STXBP5L: variants seen among roughly 807,000 people sequenced by gnomAD.
STXBP5L encodes syntaxin-binding protein 5-like.
Under a neutral mutation model 144.5 loss-of-function variants are expected in STXBP5L, and 65 were observed. The observed-to-expected ratio is 0.45, with a 90% confidence interval of 0.37 to 0.55. The LOEUF (loss-of-function observed/expected upper bound fraction) is 0.55, where lower values mean the gene tolerates loss of function less well. STXBP5L is among the 20% of genes least tolerant of loss of function. The probability of loss-of-function intolerance (pLI) is 0.00; values close to 1 mark genes in which losing one functional copy is unlikely to be tolerated. For missense variants in STXBP5L, 1,298 were observed against 1,405.5 expected, an observed-to-expected ratio of 0.92 and a Z score of 1.22; for synonymous variants, 505 against 469.6, an observed-to-expected ratio of 1.08 and a Z score of -0.97.
intron 3 of STXBP5L, among the ~76,000 whole-genome samples, chr3:120,995,002 G>T (rs988636795): frequency 5.9e-5 from 9 of 151,806 alleles, no homozygotes; most frequent in African/African-American, 2.2e-4. Flanking sequence ...TTCAATTTTG[G>T]GAGGTTTTAT....
rs569885366 is a variant in STXBP5L at position 120,979,252 on chromosome 3, C to A, written c.287+24215C>A. 5.3e-5 allele frequency among the ~76,000 whole-genome samples: 8 copies of A among 152,336 alleles called. No homozygotes were observed. In the East Asian group the frequency reaches 1.5e-3, roughly 29 times the overall value. ...TTACCTAAGCAAGCCTGGGCAATGGCAGGTGCCCCTCCCCCAGCCTCACTG... is the reference window on the plus strand; with the variant it reads ...TTACCTAAGCAAGCCTGGGCAATGGAAGGTGCCCCTCCCCCAGCCTCACTG... On this transcript the variant is annotated intron_variant, in intron 3 of 26. Transcript: ENST00000471454.
At chr3:121,076,230 T>C (rs530991173) in intron 5 of STXBP5L, among the ~76,000 whole-genome samples, 1 of 152,294 alleles carries the variant, frequency 6.6e-6, no homozygotes, top group African/African-American at 2.4e-5. Context: ...CCCTTGGCTT[T>C]TCAGGCAAGG....
chr3:121,112,922 C>G (rs973008663), intron 5 of STXBP5L, among the ~76,000 whole-genome samples: 4 of 151,968 alleles, frequency 2.6e-5, no homozygotes, highest in Non-Finnish European at 1.5e-5. Context: ...TATATCTTTT[C>G]CTTTATCTAT....
intron 4 of STXBP5L, among the ~76,000 whole-genome samples, chr3:121,042,003 A>G (rs1947191151): frequency 6.6e-6 from 1 of 152,122 alleles, no homozygotes; most frequent in African/African-American, 2.4e-5. Context: ...TATTGTTACT[A>G]TATAGCATAA....
At chr3:120,951,379 G>C (rs1711214672) in intron 2 of STXBP5L, among the ~76,000 whole-genome samples, 1 of 152,076 alleles carries the variant, frequency 6.6e-6, no homozygotes, top group Admixed American at 6.6e-5. Flanking sequence ...CCACAAAAAT[G>C]GGAGAAAATT....
At chr3:121,010,273 A>G (rs552182178) in intron 3 of STXBP5L, among the ~76,000 whole-genome samples, 4 of 151,854 alleles carry the variant, frequency 2.6e-5, no homozygotes, top group African/African-American at 7.2e-5. Context: ...AATCACTACT[A>G]CACATAGTTG....
At chr3:121,379,691 T>C (rs942684018) in intron 21 of STXBP5L, among the ~76,000 whole-genome samples, 4 of 152,144 alleles carry the variant, frequency 2.6e-5, no homozygotes, top group African/African-American at 9.7e-5. Flanking sequence ...ATGCAGATAA[T>C]GATGTTATTT....
In STXBP5L at chr3:121,134,615, C is replaced by T. The variant is rs182961954; in HGVS notation, c.669+12911C>T. On this transcript the variant is annotated intron_variant, in intron 7 of 26. Coordinates refer to ENST00000471454, the MANE Select transcript of STXBP5L (RefSeq NM_001308330.2). ...GTTCCCCTTCCTGTGTCCAAGTGTT[C>T]TCATTGTTCAATTCCCGCCTATGAG... 2.7e-3 allele frequency among the ~76,000 whole-genome samples: 408 copies of T among 151,248 alleles called. 1 individual carries two copies. The highest frequency in any genetic ancestry group is 9.2e-3 in the African/African-American group (380 of 41,194).
chr3:120,961,139 C>A (rs1938745902), intron 3 of STXBP5L, among the ~76,000 whole-genome samples: 1 of 148,432 alleles, frequency 6.7e-6, no homozygotes, highest in African/African-American at 2.5e-5. Context: ...TCTAATGAGC[C>A]TTTGTATTTC....
At chr3:121,152,455 T>C in intron 7 of STXBP5L, 22 bp from the exon 8 acceptor site, 1 of 1,525,304 alleles carries the variant, frequency 6.6e-7, no homozygotes, top group South Asian at 1.2e-5. Context: ...ATTAAGAAAA[T>C]GATTGTTCTA....
In STXBP5L at chr3:121,006,727, C is replaced by T. The variant is rs191329691; in HGVS notation, c.288-34973C>T. Among the ~76,000 whole-genome samples, 464 of 152,224 alleles carry T rather than the reference C, an allele frequency of 3.0e-3. 3 individuals carry two copies. The highest frequency in any genetic ancestry group is 0.01 in the African/African-American group (433 of 41,542). On this transcript the variant is annotated intron_variant, in intron 3 of 26. Transcript: ENST00000471454. ...CTATGTTTAGTGCCTCCTTCAGGAG[C>T]TCTTTTAGGGCAGGCCTGGTGGTGA...
intron 5 of STXBP5L, among the ~76,000 whole-genome samples, chr3:121,048,215 C>T (rs1460790138): frequency 1.3e-5 from 2 of 151,942 alleles, no homozygotes; most frequent in African/African-American, 2.4e-5. Context: ...TTGAAAGGTC[C>T]TCTGTTAGCC....
chr3:121,028,924 T>C (rs1946161461), intron 3 of STXBP5L, among the ~76,000 whole-genome samples: 1 of 152,082 alleles, frequency 6.6e-6, no homozygotes, highest in Admixed American at 6.6e-5. Context: ...ATTCTCCCAT[T>C]CACAATTGCT....
intron 5 of STXBP5L, among the ~76,000 whole-genome samples, chr3:121,060,313 G>C (rs2041205924): frequency 6.6e-6 from 1 of 152,098 alleles, no homozygotes; most frequent in Non-Finnish European, 1.5e-5. Flanking sequence ...TGCTTCCCAG[G>C]GATGAAGCTG....
At chr3:121,299,286 T>G (rs1314571886) in intron 19 of STXBP5L, among the ~76,000 whole-genome samples, 2 of 152,322 alleles carry the variant, frequency 1.3e-5, no homozygotes, top group South Asian at 2.1e-4. Flanking sequence ...GGTGATGTTT[T>G]TCCTCCTTGA....
rs770895786 is a variant in STXBP5L at position 121,418,321 on chromosome 3, T to C, written c.3227-16T>C. The stretch of plus-strand genomic sequence containing the variant: ...ACTGACAAAATGTTTTAAATTGCTA[T>C]TGCATATATTCTCAGTTGGGGAAGC... On this transcript the variant is annotated splice_polypyrimidine_tract_variant and intron_variant, in intron 25 of 26. Coordinates refer to ENST00000471454, the MANE Select transcript of STXBP5L (RefSeq NM_001308330.2). 6.2e-7 allele frequency: 1 copy of C among 1,607,320 alleles called. No homozygotes were observed. Among genetic ancestry groups the C allele is most frequent in the East Asian group, 2.2e-5 (1 of 44,690 alleles).
chr3:121,368,450 C>G (rs1003512052), intron 20 of STXBP5L, among the ~76,000 whole-genome samples: 15 of 151,746 alleles, frequency 9.9e-5, no homozygotes, highest in Admixed American at 5.9e-4. Context: ...AAGTATTTAT[C>G]TAGTAGGTCT....
intron 3 of STXBP5L, among the ~76,000 whole-genome samples, chr3:120,979,722 G>T (rs189915257): frequency 3.4e-4 from 51 of 152,100 alleles, no homozygotes; most frequent in Middle Eastern, 3.4e-3. Flanking sequence ...ATTTTTGTTT[G>T]GTCTCAGTTT....
At chr3:121,315,245 T>C (rs1239209503) in intron 19 of STXBP5L, among the ~76,000 whole-genome samples, 1 of 151,982 alleles carries the variant, frequency 6.6e-6, no homozygotes, top group Admixed American at 6.6e-5. Flanking sequence ...CAAATGTCCA[T>C]CAATGATAGA....
Sources: allele counts gnomAD v4.1 joint callset (sites outside exome capture counted in the v4.1 genomes callset), GRCh38; gene constraint gnomAD v4.1.1; transcripts MANE v1.5; gene names NCBI Gene and HGNC (gene_info 2026-07-23, HGNC 2026-07-21).